The following CELF4 variants were observed in gnomAD, a reference collection of about 807,000 sequenced individuals.
The protein encoded by CELF4 is CUGBP Elav-like family member 4, also known as CUG-BP- and ETR-3-like factor 4.
A neutral mutation model predicts 59.9 loss-of-function variants in CELF4; 18 were observed. That is an observed-to-expected ratio of 0.30 (90% CI 0.21 to 0.45). The LOEUF (loss-of-function observed/expected upper bound fraction) is 0.45, where lower values mean the gene tolerates loss of function less well. CELF4 is among the 20% of genes least tolerant of loss of function. The pLI is 1.00. For missense variants in CELF4, 456 were observed against 689.0 expected (o/e 0.66, Z 3.79); for synonymous variants, 261 against 267.1 (o/e 0.98, Z 0.22).
chr18:37,302,483 G>T (rs1449242390), intron 3 of CELF4, among the ~76,000 whole-genome samples: 1 of 152,204 alleles, frequency 6.6e-6, no homozygotes, highest in African/African-American at 2.4e-5. Context: ...TCTGATGAGG[G>T]CACAAGCTGC....
At chr18:37,366,575 A>G (rs1392555456) in intron 2 of CELF4, among the ~76,000 whole-genome samples, 2 of 152,140 alleles carry the variant, frequency 1.3e-5, no homozygotes, top group African/African-American at 2.4e-5. Flanking sequence ...CTCCCTGCTC[A>G]GTAGGACCTG....
chr18:37,245,861 T>C lies in CELF4; in HGVS notation c.*45-664A>G, dbSNP rs1159906622. ...TATATACACACATACACACACATAA[T>C]ACTTTTCTCATACATGCCAGGGAAT... On this transcript the variant is annotated intron_variant, in intron 12 of 12. Transcript: ENST00000420428. This position sits in a 1 kb window ranked among gnomAD's most constrained non-coding sequence, Gnocchi z 4.1. Among the ~76,000 whole-genome samples the C allele has an allele frequency of 6.6e-6, 1 of 152,218 alleles. No individual in the cohort carries two copies. Among genetic ancestry groups the C allele is most frequent in the Non-Finnish European group, 1.5e-5 (1 of 68,034 alleles).
At chr18:37,261,724 C>T (rs889736119) in intron 10 of CELF4, among the ~76,000 whole-genome samples, 7 of 152,236 alleles carry the variant, frequency 4.6e-5, no homozygotes, top group Non-Finnish European at 8.8e-5. Context: ...GCAGCCCTGG[C>T]AGAGCCGCTG....
chr18:37,416,654 T>TG (rs1569569246), intron 2 of CELF4, among the ~76,000 whole-genome samples: 1 of 152,144 alleles, frequency 6.6e-6, no homozygotes, highest in Non-Finnish European at 1.5e-5. Context: ...TCAGCCAGCC[T>TG]GGGGGGCCTC....
At chr18:37,521,094 T>C (rs895202306) in intron 1 of CELF4, among the ~76,000 whole-genome samples, 4 of 150,030 alleles carry the variant, frequency 2.7e-5, no homozygotes, top group African/African-American at 7.4e-5. Context: ...GGGACAGACA[T>C]ATATCAGGGG....
chr18:37,475,058 T>C (rs986852701), intron 2 of CELF4, among the ~76,000 whole-genome samples: 1 of 152,214 alleles, frequency 6.6e-6, no homozygotes, highest in African/African-American at 2.4e-5. Flanking sequence ...ATGATTGACA[T>C]TGGCTCTAGA....
intron 2 of CELF4, among the ~76,000 whole-genome samples, chr18:37,422,273 A>G (rs1347216538): frequency 6.6e-6 from 1 of 152,216 alleles, no homozygotes; most frequent in Non-Finnish European, 1.5e-5. Flanking sequence ...CTGCCTCCCA[A>G]CTATGATGGC....
chr18:37,286,914 C>T (rs905412816), intron 3 of CELF4, among the ~76,000 whole-genome samples: 5 of 152,176 alleles, frequency 3.3e-5, no homozygotes, highest in South Asian at 2.1e-4. Context: ...GGCCTCCCCG[C>T]GAGACCCAGG....
At chr18:37,478,502 T>G (rs555292153) in intron 2 of CELF4, among the ~76,000 whole-genome samples, 1 of 152,294 alleles carries the variant, frequency 6.6e-6, no homozygotes, top group South Asian at 2.1e-4. Context: ...GAGGCCCCTA[T>G]GAGAGTCAAG....
At chr18:37,248,123 G>A (rs2063220021) in intron 12 of CELF4, among the ~76,000 whole-genome samples, 1 of 151,378 alleles carries the variant, frequency 6.6e-6, no homozygotes, top group Non-Finnish European at 1.5e-5. Context: ...TCCTAGAGAA[G>A]GCTGCAAGGG....
chr18:37,380,792 A>C (rs116072458), intron 2 of CELF4, among the ~76,000 whole-genome samples: 2 of 134,894 alleles, frequency 1.5e-5, no homozygotes, highest in South Asian at 2.7e-4. Flanking sequence ...TTTCTCCATG[A>C]ATCCATCCAT....
At chr18:37,315,599 G>T (rs1327516157) in intron 3 of CELF4, among the ~76,000 whole-genome samples, 1 of 152,168 alleles carries the variant, frequency 6.6e-6, no homozygotes, top group Admixed American at 6.5e-5. Flanking sequence ...GGACCCCAGG[G>T]TGCTGTCACA....
rs372382156 is a variant in CELF4, at chr18:37,558,565, T to TGGGG, written c.286+6787_286+6790dup. Among the ~76,000 whole-genome samples the TGGGG allele has an allele frequency of 2.0e-3, 158 of 77,578 alleles. 1 individual carries two copies. Among genetic ancestry groups the TGGGG allele is most frequent in the African/African-American group, 8.7e-3 (153 of 17,570 alleles). The allele number at this position is 77,578 out of a possible 152,430, so 50.9% of individuals were successfully genotyped here. On this transcript the variant is annotated intron_variant, in intron 1 of 12. Coordinates refer to ENST00000420428, the MANE Select transcript of CELF4 (RefSeq NM_020180.4). Reference sequence around the variant, plus strand: ...CTTCAGTGAAATTGTGGGGGGCGGGTGGGGGGGGCTCTGTTCTACTCCCCT... The same window carrying TGGGG: ...CTTCAGTGAAATTGTGGGGGGCGGGTGGGGGGGGGGGGCTCTGTTCTACTCCCCT...
chr18:37,550,687 C>T (rs2099982915), intron 1 of CELF4, among the ~76,000 whole-genome samples: 1 of 152,258 alleles, frequency 6.6e-6, no homozygotes, highest in Non-Finnish European at 1.5e-5. Context: ...TCTGCTGCAG[C>T]AGGGGAGGTG....
intron 2 of CELF4, among the ~76,000 whole-genome samples, chr18:37,450,532 T>C (rs918396211): frequency 6.6e-6 from 1 of 151,930 alleles, no homozygotes; most frequent in Non-Finnish European, 1.5e-5. Context: ...TTGCTCCTTA[T>C]TCAAGGCAGA....
chr18:37,560,826 C>T (rs899777786), intron 1 of CELF4, among the ~76,000 whole-genome samples: 12 of 152,200 alleles, frequency 7.9e-5, no homozygotes, highest in African/African-American at 2.2e-4. Flanking sequence ...CACAAAACAA[C>T]GAACCATCTT....
chr18:37,519,813 G>C (rs1042158547), intron 1 of CELF4, among the ~76,000 whole-genome samples: 3 of 152,210 alleles, frequency 2.0e-5, no homozygotes, highest in Non-Finnish European at 4.4e-5. Context: ...AACTCCAGTG[G>C]TCATGAACTG....
At chr18:37,453,456 C>A (rs1201877981) in intron 2 of CELF4, among the ~76,000 whole-genome samples, 1 of 152,224 alleles carries the variant, frequency 6.6e-6, no homozygotes, top group East Asian at 1.9e-4. Flanking sequence ...CCGTGTGACA[C>A]TCTTGGGGGA....
chr18:37,439,618 G>T (rs1539845), intron 2 of CELF4, among the ~76,000 whole-genome samples: 26,860 of 151,874 alleles, frequency 0.18, 2,670 homozygotes, highest in Middle Eastern at 0.28. Context: ...GAGCCCTTGG[G>T]GACCTCCACA....
Sources: gnomAD v4.1 joint callset for allele counts (sites outside exome capture counted in the v4.1 genomes callset) on GRCh38, gnomAD v4.1.1 for gene constraint, Gnocchi (gnomAD v3.1) non-coding constraint, MANE v1.5 for transcripts, NCBI Gene and HGNC (gene_info 2026-07-23, HGNC 2026-07-21) for gene names.